RANBP2: variants seen among roughly 807,000 people sequenced by gnomAD.
RANBP2 encodes E3 SUMO-protein ligase RanBP2.
Under a neutral mutation model 303.6 loss-of-function variants are expected in RANBP2, and 57 were observed. That is an observed-to-expected ratio of 0.19 (90% CI 0.15 to 0.23). RANBP2 has a LOEUF of 0.23. Ranked by LOEUF, RANBP2 falls within the 10% of genes least tolerant of loss-of-function variation. The pLI is 1.00. For synonymous variants in RANBP2, 1,167 were observed against 1,301.5 expected, an observed-to-expected ratio of 0.90 and a Z score of 2.23; for missense variants, 3,138 against 3,780.8, an observed-to-expected ratio of 0.83 and a Z score of 4.46.
intron 1 of RANBP2, among the ~76,000 whole-genome samples, chr2:108,723,797 T>C (rs1311533790): frequency 6.6e-6 from 1 of 152,252 alleles, no homozygotes; most frequent in African/African-American, 2.4e-5. Flanking sequence ...GGTTTGCTTG[T>C]ATGTTGTGTT....
the RANBP2 span, among the ~76,000 whole-genome samples, chr2:109,712,126 A>G: frequency 6.6e-6 from 1 of 152,240 alleles, no homozygotes; most frequent in African/African-American, 2.4e-5. Flanking sequence ...TCTTCAAATG[A>G]AAGATTTCAT....
the RANBP2 span, among the ~76,000 whole-genome samples, chr2:109,677,670 T>C: frequency 6.6e-6 from 1 of 152,168 alleles, no homozygotes; most frequent in African/African-American, 2.4e-5. Context: ...CCCCTCTCTT[T>C]CAGTAACTCC....
chr2:109,533,976 G>C, the RANBP2 span, among the ~76,000 whole-genome samples: 2 of 152,214 alleles, frequency 1.3e-5, no homozygotes, highest in Admixed American at 6.5e-5. Flanking sequence ...AGTGAGGCCA[G>C]ACCGGGAGGA....
the RANBP2 span, chr2:108,923,281 C>T: frequency 1.3e-5 from 17 of 1,312,488 alleles, no homozygotes; most frequent in African/African-American, 2.2e-4. Flanking sequence ...GTCCAGGTGC[C>T]AGGACCGGCT....
the RANBP2 span, among the ~76,000 whole-genome samples, chr2:109,538,687 T>A: frequency 6.6e-6 from 1 of 152,232 alleles, no homozygotes; most frequent in African/African-American, 2.4e-5. Context: ...CCTGGTTAAT[T>A]TTTTATATTT....
At chr2:109,242,218 T>C in the RANBP2 span, among the ~76,000 whole-genome samples, 503 of 152,248 alleles carry the variant, frequency 3.3e-3, 2 homozygotes, top group Non-Finnish European at 4.9e-3. Context: ...TTCTCAACTT[T>C]GGTAGCACCT....
the RANBP2 span, among the ~76,000 whole-genome samples, chr2:109,539,724 T>C: frequency 6.6e-6 from 1 of 152,080 alleles, no homozygotes; most frequent in African/African-American, 2.4e-5. Flanking sequence ...ATTACAGGAG[T>C]GAGCCACCGT....
the RANBP2 span, among the ~76,000 whole-genome samples, chr2:109,165,611 A>G: frequency 6.6e-6 from 1 of 152,040 alleles, no homozygotes; most frequent in East Asian, 1.9e-4. Context: ...GACATTGCCA[A>G]CTCTGCCTTA....
chr2:109,457,496 G>A, the RANBP2 span, among the ~76,000 whole-genome samples: 1 of 152,342 alleles, frequency 6.6e-6, no homozygotes, highest in Non-Finnish European at 1.5e-5. Flanking sequence ...CCTCCCCAAA[G>A]GGCACTGACT....
At chr2:109,275,781 A>T in the RANBP2 span, among the ~76,000 whole-genome samples, 1 of 152,178 alleles carries the variant, frequency 6.6e-6, no homozygotes, top group African/African-American at 2.4e-5. Flanking sequence ...ATGACAGTTT[A>T]TGAAGCGAGG....
chr2:108,835,607 G>T, the RANBP2 span, among the ~76,000 whole-genome samples: 2 of 152,158 alleles, frequency 1.3e-5, no homozygotes, highest in Admixed American at 1.3e-4. Flanking sequence ...ATCTATTCAA[G>T]TAAGTCTTTT....
At chr2:109,695,645 G>A in the RANBP2 span, among the ~76,000 whole-genome samples, 4 of 152,122 alleles carry the variant, frequency 2.6e-5, no homozygotes, top group African/African-American at 9.7e-5. Context: ...AATGATTTTT[G>A]CTTCAGCTAT....
the RANBP2 span, among the ~76,000 whole-genome samples, chr2:109,154,492 C>T: frequency 8.5e-5 from 13 of 152,140 alleles, no homozygotes; most frequent in East Asian, 1.9e-4. Flanking sequence ...GGCCAGGCCT[C>T]GAGGCTTCCT....
chr2:109,210,013 G>T, the RANBP2 span, among the ~76,000 whole-genome samples: 1 of 152,058 alleles, frequency 6.6e-6, no homozygotes, highest in Non-Finnish European at 1.5e-5. Flanking sequence ...TATACTTTCT[G>T]TCTCTGTGAA....
At chr2:109,524,750 A>T in the RANBP2 span, among the ~76,000 whole-genome samples, 7 of 151,882 alleles carry the variant, frequency 4.6e-5, no homozygotes, top group Admixed American at 2.6e-4. Context: ...ATCTCAAAAA[A>T]TATATAAATA....
the RANBP2 span, among the ~76,000 whole-genome samples, chr2:109,313,892 A>G: frequency 1.5e-5 from 2 of 132,192 alleles, no homozygotes; most frequent in African/African-American, 7.1e-5. Flanking sequence ...GCAGTGGAGG[A>G]GATATTTGAA....
the RANBP2 span, among the ~76,000 whole-genome samples, chr2:109,762,981 C>T: frequency 9.7e-4 from 141 of 144,798 alleles, 5 homozygotes; most frequent in Middle Eastern, 3.6e-3. Flanking sequence ...TTATGGTTTA[C>T]GTAAATTTTT....
chr2:109,638,934 C>T, the RANBP2 span, among the ~76,000 whole-genome samples: 1,359 of 152,294 alleles, frequency 8.9e-3, 24 homozygotes, highest in African/African-American at 0.03. Flanking sequence ...TTTCTCCTAC[C>T]TCCAGTAGAG....
chr2:109,607,439 T>G, the RANBP2 span, among the ~76,000 whole-genome samples: 1 of 152,124 alleles, frequency 6.6e-6, no homozygotes, highest in African/African-American at 2.4e-5. Context: ...AGTACCTGTA[T>G]TATCTCTCCC....
Sources: gnomAD v4.1 joint callset for allele counts (sites outside exome capture counted in the v4.1 genomes callset) on GRCh38, gnomAD v4.1.1 for gene constraint, MANE v1.5 for transcripts, NCBI Gene and HGNC (gene_info 2026-07-23, HGNC 2026-07-21) for gene names.